Variants in MTMR11 observed in about 807,000 individuals in gnomAD.
The protein encoded by MTMR11 is myotubularin related protein 11.
MTMR11 carries 89 observed loss-of-function variants against 100.0 expected under a neutral mutation model. The observed-to-expected ratio is 0.89, with a 90% CI of 0.75 to 1.06. The LOEUF (loss-of-function observed/expected upper bound fraction) is 1.06. Among genes scored for constraint, MTMR11 ranks in the 50% least tolerant of loss-of-function variants. The pLI is 0.00. For missense variants in MTMR11, 809 were observed against 873.7 expected (o/e 0.93, Z 0.93); for synonymous variants, 336 against 326.3 (o/e 1.03, Z -0.32).
chr1:149,933,029 A>C (rs1398563732), intron 10 of MTMR11, among the ~76,000 whole-genome samples: 3 of 144,990 alleles, frequency 2.1e-5, no homozygotes, highest in African/African-American at 5.1e-5. Context: ...TTCTCAGTTC[A>C]CCCGCCTCCT....
At chr1:149,932,924 C>A (rs952244380) in intron 10 of MTMR11, among the ~76,000 whole-genome samples, 1 of 149,178 alleles carries the variant, frequency 6.7e-6, no homozygotes, top group Non-Finnish European at 1.5e-5. Context: ...GCACTCCAGC[C>A]TGGGCCACAG....
rs747710709 is a variant in MTMR11 at position 149,930,467 on chromosome 1, G to C, written c.1545C>G (p.Val515=). 28 of 1,613,974 alleles carry C rather than the reference G, an allele frequency of 1.7e-5. No individual in the cohort carries two copies. The highest frequency in any genetic ancestry group is 2.4e-5 in the Non-Finnish European group (28 of 1,179,966). Reference sequence around the variant, plus strand: ...TGCTATAACGTAAATCCCAGTCCCAGACAGACAGCTGCAGGTTAAAAGAGT... The same window carrying C: ...TGCTATAACGTAAATCCCAGTCCCACACAGACAGCTGCAGGTTAAAAGAGT... ...AGNSFNLQLS[V]WDWDLRYSNA... Residue 515 remains valine (V), a synonymous_variant, in exon 15 of 17, where the codon GTC becomes GTG. Coordinates refer to ENST00000439741, the MANE Select transcript of MTMR11 (RefSeq NM_001145862.2).
chr1:149,929,799 A>G lies in MTMR11; in HGVS notation c.1765T>C (p.Ser589Pro), dbSNP rs781907904. Residue 589 changes from serine to proline, a missense_variant, in exon 16 of 17, where the codon TCT (serine) becomes CCT (proline). Coordinates refer to ENST00000439741, the MANE Select transcript of MTMR11 (RefSeq NM_001145862.2). ...ATAGCAGGTCGAGGGAGCCAACGAG[A>G]AGAGACTGCCAGCAGGGAAGGACTG... ...RDSPSLLAVS[S>P]RWLPRPAISS... 25 of 1,614,144 alleles carry G rather than the reference A, an allele frequency of 1.5e-5. No homozygotes were observed. The highest frequency in any genetic ancestry group is 2.1e-5 in the Non-Finnish European group (25 of 1,180,016).
In MTMR11 at chr1:149,935,623, A is replaced by G. The variant is rs1553768967; in HGVS notation, c.225T>C (p.Phe75=). The change falls in exon 3 of 17, where the codon TTT becomes TTC. Residue 75 remains phenylalanine (F), a synonymous_variant. Coordinates refer to ENST00000439741, the MANE Select transcript of MTMR11 (RefSeq NM_001145862.2). ...ELSGTLICTN[F]RVTFQPCGWQ... The stretch of plus-strand genomic sequence containing the variant: ...ATCCACAGGGCTGGAAGGTGACCCT[A>G]AAGTTGGTACAGATCAGGGTTCCAG... 6.2e-7 allele frequency: 1 copy of G among 1,614,074 alleles called. No homozygotes were observed. The highest frequency in any genetic ancestry group is 8.5e-7 in the Non-Finnish European group (1 of 1,179,976).
rs1301134839 is a variant in MTMR11, at chr1:149,931,395, G to C, written c.1155C>G (p.Leu385=). ...ERGDRDLNGL[L]SSLVQLLSAP... ...CTGAAAGCAGCTGGACGAGTGAAGA[G>C]AGGAGGCCATTGAGATCACGATCAC... The change falls in exon 13 of 17, where the codon CTC becomes CTG. Residue 385 remains leucine (L), a synonymous_variant. Coordinates refer to ENST00000439741, the MANE Select transcript of MTMR11 (RefSeq NM_001145862.2). 3 of 1,611,780 alleles carry C rather than the reference G, an allele frequency of 1.9e-6. No homozygotes were observed. The South Asian group carries it at 3.3e-5, about 18-fold the overall frequency.
At chr1:149,930,622 A>C in intron 14 of MTMR11, 75 bp from the exon 15 acceptor site, 2 of 1,432,462 alleles carry the variant, frequency 1.4e-6, no homozygotes, top group Non-Finnish European at 1.9e-6. Context: ...TGAGATTCTC[A>C]CCTCTTATTC....
In MTMR11 at chr1:149,934,214, G is replaced by A. The variant is rs200559299; in HGVS notation, c.660C>T (p.Asn220=). The A allele has an allele frequency of 3.1e-5, 50 of 1,614,110 alleles. No individual in the cohort carries two copies. The East Asian group carries it at 5.8e-4, about 19-fold the overall frequency. Residue 220 remains asparagine (N), a synonymous_variant, in exon 7 of 17, where the codon AAC becomes AAT. Coordinates refer to ENST00000439741, the MANE Select transcript of MTMR11 (RefSeq NM_001145862.2). ...AARGWRVSTV[N]ERFDVATSLP... ...ACCTGGTGGCTACGTCGAACCTCTC[G>A]TTGACCGTGCTGACCCTCCAGCCTC... is the stretch of plus-strand genomic sequence containing the variant.
intron 2 of MTMR11, 52 bp downstream of exon 2, chr1:149,936,102 T>C (rs587727137): frequency 1.3e-6 from 2 of 1,558,508 alleles, no homozygotes; most frequent in African/African-American, 1.4e-5. Flanking sequence ...TGAAACAAGA[T>C]TGGCGTAGGA....
rs1400829757 is a variant in MTMR11 at position 149,929,166 on chromosome 1, C to G, written c.2093G>C (p.Gly698Ala). 2.5e-6 allele frequency: 4 copies of G among 1,613,492 alleles called. No individual in the cohort carries two copies. Among genetic ancestry groups the G allele is most frequent in the Non-Finnish European group, 3.4e-6 (4 of 1,179,956 alleles). Residue 698 changes from glycine to alanine, a missense_variant, in exon 17 of 17, where the codon GGC becomes GCC. By Grantham distance (60) the Gly-to-Ala change is moderately conservative. Coordinates refer to ENST00000439741, the MANE Select transcript of MTMR11 (RefSeq NM_001145862.2). The part of the protein sequence containing the change: ...HTILNPTEIA[G>A]ILKGRAEGDL... ...CCCCTCTGCCCTGCCTTTGAGAATG[C>G]CAGCAATTTCAGTGGGATTGAGAAT... is the stretch of plus-strand genomic sequence containing the variant.
chr1:149,928,944 T>A lies in MTMR11; in HGVS notation c.*185A>T. On this transcript the variant is annotated 3_prime_UTR_variant, in exon 17 of 17. Transcript: ENST00000439741. ...TTTCTGGATTGTTTTTGTTTCTTAA[T>A]CCTTCAAATGACAAGAAGCAAAAAT... 1 of 1,614,034 alleles carries A rather than the reference T, an allele frequency of 6.2e-7. No homozygotes were observed.
chr1:149,929,537 C>T, intron 16 of MTMR11, 86 bp downstream of exon 16: 1 of 1,469,212 alleles, frequency 6.8e-7, no homozygotes, highest in Non-Finnish European at 9.2e-7. Context: ...CCAGAGGCTT[C>T]AGCTCCTTGC....
At chr1:149,935,240 TGAG>T (rs2092707402) in intron 4 of MTMR11, 56 bp downstream of exon 4, 46 of 1,606,858 alleles carry the variant, frequency 2.9e-5, no homozygotes, top group Non-Finnish European at 3.3e-5. Context: ...AGAGGAAGGA[TGAG>T]GAGGGAGTTC....
In MTMR11 at chr1:149,931,944, C is replaced by T. The variant is rs1342781367; in HGVS notation, c.1123G>A (p.Glu375Lys). ...TSRVRSVILQ[E>K]RGDRDLNGLL... ...GAATGGGCTTAACCAAGGAACTCAC[C>T]TTGAAGTATTACAGAACGAACCCTG... Residue 375 changes from glutamate to lysine, a missense_variant and splice_region_variant, in exon 12 of 17, where the codon GAG (glutamate) becomes AAG (lysine). Glu to Lys is a moderately conservative substitution (Grantham distance 56). Transcript: ENST00000439741. 1.5e-5 allele frequency: 24 copies of T among 1,611,424 alleles called. No individual in the cohort carries two copies. Among genetic ancestry groups the T allele is most frequent in the Non-Finnish European group, 2.0e-5 (23 of 1,177,716 alleles).
Position 149,935,623 on chromosome 1 carries a change from A to T in MTMR11, c.225T>A (p.Phe75Leu). The change falls in exon 3 of 17, where the codon TTT (phenylalanine) becomes TTA (leucine). Residue 75 changes from phenylalanine (F) to leucine (L), a missense_variant. Coordinates refer to ENST00000439741, the MANE Select transcript of MTMR11 (RefSeq NM_001145862.2). ...ATCCACAGGGCTGGAAGGTGACCCT[A>T]AAGTTGGTACAGATCAGGGTTCCAG... ...ELSGTLICTN[F>L]RVTFQPCGWQ... 1 of 1,614,074 alleles carries T rather than the reference A, an allele frequency of 6.2e-7. No homozygotes were observed. The highest frequency in any genetic ancestry group is 8.5e-7 in the Non-Finnish European group (1 of 1,179,976).
At chr1:149,935,443 A>G in intron 3 of MTMR11, 84 bp from the exon 4 acceptor site, 1 of 1,580,310 alleles carries the variant, frequency 6.3e-7, no homozygotes, top group Non-Finnish European at 8.7e-7. Flanking sequence ...CTAGGGGGCA[A>G]CAACCCTAGA....
rs782025362 is a variant in MTMR11 at position 149,931,287 on chromosome 1, C to T, written c.1263G>A (p.Arg421=). 5 of 1,614,066 alleles carry T rather than the reference C, an allele frequency of 3.1e-6. No homozygotes were observed. The highest frequency in any genetic ancestry group is 4.2e-6 in the Non-Finnish European group (5 of 1,180,008). Residue 421 remains arginine (R), a synonymous_variant, in exon 13 of 17, where the codon CGG becomes CGA. Transcript: ENST00000439741. ...WVAAGHPFLT[R]LGGTGASEEA... The stretch of plus-strand genomic sequence containing the variant: ...CTTCACTGGCCCCAGTTCCCCCAAG[C>T]CGAGTCAGGAAGGGATGTCCAGCTG...
In MTMR11 at chr1:149,934,224, C is replaced by T. The variant is rs1553768425; in HGVS notation, c.650G>A (p.Ser217Asn). 1.9e-6 allele frequency: 3 copies of T among 1,614,176 alleles called. No individual in the cohort carries two copies. In the South Asian group the frequency reaches 3.3e-5, roughly 18 times the overall value. ...KKQAARGWRV[S>N]TVNERFDVAT... ...TACGTCGAACCTCTCGTTGACCGTG[C>T]TGACCCTCCAGCCTCTGGCTGCCTG... Residue 217 changes from serine (S) to asparagine (N), a missense_variant, in exon 7 of 17, where the codon AGC (serine) becomes AAC (asparagine). Coordinates refer to ENST00000439741, the MANE Select transcript of MTMR11 (RefSeq NM_001145862.2).
At chr1:149,934,400 T>C (rs2101672572) in intron 6 of MTMR11, 48 bp downstream of exon 6, 1 of 1,613,550 alleles carries the variant, frequency 6.2e-7, no homozygotes, top group Non-Finnish European at 8.5e-7. Context: ...TCATCAGCCA[T>C]CCTCTGCTTT....
chr1:149,934,385 C>A, intron 6 of MTMR11, 59 bp from the exon 7 acceptor site: 4 of 1,613,618 alleles, frequency 2.5e-6, no homozygotes, highest in Non-Finnish European at 3.4e-6. Context: ...CTTCTCAGCT[C>A]TTTGTCATCA....
Sources: allele counts gnomAD v4.1 joint callset (sites outside exome capture counted in the v4.1 genomes callset), GRCh38; gene constraint gnomAD v4.1.1; transcripts MANE v1.5; gene names NCBI Gene and HGNC (gene_info 2026-07-23, HGNC 2026-07-21).